The following EYA1 variants were observed in gnomAD, a reference collection of about 807,000 sequenced individuals.
The protein encoded by EYA1 is protein phosphatase EYA1.
In EYA1, 16 loss-of-function variants were observed where a neutral mutation model predicts 82.0. That is an observed-to-expected ratio of 0.20 (90% confidence interval 0.13 to 0.30). The LOEUF (loss-of-function observed/expected upper bound fraction) is 0.30, where lower values mean the gene tolerates loss of function less well. Ranked by LOEUF, EYA1 falls within the 10% of genes least tolerant of loss-of-function variation. The pLI, the probability that EYA1 is intolerant of heterozygous loss-of-function variation, is 1.00. For synonymous variants in EYA1, 261 were observed against 264.4 expected (o/e 0.99, Z 0.12); for missense variants, 633 against 730.7 (o/e 0.87, Z 1.54).
intron 11 of EYA1, among the ~76,000 whole-genome samples, chr8:71,250,033 T>G (rs539050353): frequency 1.3e-5 from 2 of 151,920 alleles, no homozygotes; most frequent in East Asian, 1.9e-4. Context: ...TTCTTTGCTT[T>G]CTTGTTTTTT....
At chr8:71,239,717 A>G (rs1812251872) in intron 12 of EYA1, among the ~76,000 whole-genome samples, 1 of 152,220 alleles carries the variant, frequency 6.6e-6, no homozygotes, top group African/African-American at 2.4e-5. Flanking sequence ...AAAGAACTAC[A>G]GTGTCTTCCT....
chr8:71,301,485 T>C lies in EYA1; in HGVS notation c.557-1765A>G, dbSNP rs531545038. ...TTTACTTTCCCGAATTAGATAAATA[T>C]GACTTAATCTCTTTACATATCTAAA... On this transcript the variant is annotated intron_variant, in intron 7 of 17. Coordinates refer to ENST00000340726, the MANE Select transcript of EYA1 (RefSeq NM_000503.6). Among the ~76,000 whole-genome samples, 241 of 152,338 alleles carry C rather than the reference T, an allele frequency of 1.6e-3. 1 individual carries two copies. The highest frequency in any genetic ancestry group is 2.7e-3 in the Non-Finnish European group (185 of 68,016).
chr8:71,313,865 C>T (rs1015148834), intron 7 of EYA1, among the ~76,000 whole-genome samples: 4 of 152,174 alleles, frequency 2.6e-5, no homozygotes, highest in African/African-American at 9.7e-5. Flanking sequence ...AGGATGCATA[C>T]ATGTCACACT....
At chr8:71,207,772 T>C (rs897724422) in intron 17 of EYA1, among the ~76,000 whole-genome samples, 10 of 152,104 alleles carry the variant, frequency 6.6e-5, no homozygotes, top group Non-Finnish European at 1.5e-4. Context: ...TATCAGAGTT[T>C]ATTATCAGAG....
chr8:71,527,145 TG>T (rs1447328747), intron 2 of EYA1, among the ~76,000 whole-genome samples: 2 of 148,042 alleles, frequency 1.4e-5, no homozygotes, highest in Non-Finnish European at 2.9e-5. Flanking sequence ...GAAGAAGATT[TG>T]GGAAAAAAAG....
intron 17 of EYA1, among the ~76,000 whole-genome samples, chr8:71,205,773 AG>A (rs765701849): frequency 5.9e-5 from 9 of 152,232 alleles, no homozygotes; most frequent in Non-Finnish European, 1.2e-4. Context: ...ATTTAAAAAA[AG>A]TAACAATCTC....
chr8:71,396,095 T>C (rs1201667776), intron 2 of EYA1, among the ~76,000 whole-genome samples: 1 of 152,216 alleles, frequency 6.6e-6, no homozygotes, highest in Non-Finnish European at 1.5e-5. Flanking sequence ...GCTTATAGTA[T>C]TCTCTGATGG....
At chr8:71,295,684 C>G (rs546625763) in intron 9 of EYA1, among the ~76,000 whole-genome samples, 38 of 152,294 alleles carry the variant, frequency 2.5e-4, no homozygotes, top group Non-Finnish European at 3.1e-4. Flanking sequence ...AAACGTAGTG[C>G]TGCCATATGA....
Position 71,246,806 on chromosome 8 carries a change from C to T in EYA1, c.1051-2114G>A, listed in dbSNP as rs560905691. ...GGCTGGAAAGGGTGGGAGATGGGAG[C>T]GGAGCCTTGCTGGGCACCTGCCAGG... On this transcript the variant is annotated intron_variant, in intron 11 of 17. Coordinates refer to ENST00000340726, the MANE Select transcript of EYA1 (RefSeq NM_000503.6). 8.5e-5 allele frequency among the ~76,000 whole-genome samples: 13 copies of T among 152,254 alleles called. No homozygotes were observed. The South Asian group carries it at 1.0e-3, about 12-fold the overall frequency.
chr8:71,329,864 A>G (rs1224796898), intron 4 of EYA1, among the ~76,000 whole-genome samples: 1 of 152,190 alleles, frequency 6.6e-6, no homozygotes, highest in Non-Finnish European at 1.5e-5. Flanking sequence ...GCTCATAATT[A>G]TTGGCAGGAA....
At chr8:71,360,894 C>T (rs1270982764) in intron 1 of EYA1, among the ~76,000 whole-genome samples, 3 of 152,186 alleles carry the variant, frequency 2.0e-5, no homozygotes, top group Non-Finnish European at 4.4e-5. Context: ...TTCAAAACCT[C>T]CTCCCAATAA....
intron 2 of EYA1, among the ~76,000 whole-genome samples, chr8:71,476,155 G>A (rs1424588743): frequency 6.6e-6 from 1 of 152,012 alleles, no homozygotes; most frequent in Non-Finnish European, 1.5e-5. Context: ...TTAACCATGT[G>A]ATATTCTCCA....
intron 3 of EYA1, among the ~76,000 whole-genome samples, chr8:71,339,182 T>C (rs892922169): frequency 6.6e-6 from 1 of 152,120 alleles, no homozygotes; most frequent in African/African-American, 2.4e-5. Context: ...AATCCCTATC[T>C]ATTCTCCGAC....
chr8:71,336,587 T>C (rs1216032556), intron 3 of EYA1, among the ~76,000 whole-genome samples: 1 of 152,204 alleles, frequency 6.6e-6, no homozygotes, highest in Non-Finnish European at 1.5e-5. Flanking sequence ...CTTAATCGAA[T>C]GTAGCCTTCA....
chr8:71,391,194 G>A (rs574207576), intron 2 of EYA1, among the ~76,000 whole-genome samples: 1 of 152,106 alleles, frequency 6.6e-6, no homozygotes, highest in South Asian at 2.1e-4. Context: ...TGTTGGCCAG[G>A]CTGGTTTTGA....
At chr8:71,267,140 C>T (rs1369190258) in intron 11 of EYA1, among the ~76,000 whole-genome samples, 2 of 152,112 alleles carry the variant, frequency 1.3e-5, no homozygotes, top group Non-Finnish European at 2.9e-5. Context: ...CATTGTGGTC[C>T]CCCGATGACT....
At chr8:71,459,753 C>CTTA (rs1808228669) in intron 2 of EYA1, among the ~76,000 whole-genome samples, 1 of 152,048 alleles carries the variant, frequency 6.6e-6, no homozygotes, top group African/African-American at 2.4e-5. Context: ...CAACACTGCT[C>CTTA]TTAATATATT....
Position 71,299,094 on chromosome 8 carries a change from T to A in EYA1, c.779A>T (p.Glu260Val), listed in dbSNP as rs751772774. 2.5e-6 allele frequency: 4 copies of A among 1,613,996 alleles called. No individual in the cohort carries two copies. The African/African-American group carries it at 4.0e-5, about 16-fold the overall frequency. The part of the protein sequence containing the change: ...PSTNATYQLQ[E>V]PPSGITSQAV... ...TTGGCTGGTGATGCCAGATGGCGGT[T>A]CTTGAAGCTGGTAAGTGGCATTGGT... The change falls in exon 9 of 18, where the codon GAA becomes GTA. Residue 260 changes from glutamate (E) to valine (V), a missense_variant. Coordinates refer to ENST00000340726, the MANE Select transcript of EYA1 (RefSeq NM_000503.6).
intron 2 of EYA1, among the ~76,000 whole-genome samples, chr8:71,523,173 C>CTTT (rs201950125): frequency 0.017 from 1,893 of 110,684 alleles, 222 homozygotes; most frequent in African/African-American, 0.061. Context: ...TTTCTTTTTT[C>CTTT]TTTTTCTTTT....
Sources: allele counts gnomAD v4.1 joint callset (sites outside exome capture counted in the v4.1 genomes callset), GRCh38; gene constraint gnomAD v4.1.1; transcripts MANE v1.5; gene names NCBI Gene and HGNC (gene_info 2026-07-23, HGNC 2026-07-21).